SPANXN4: variants seen among roughly 807,000 people sequenced by gnomAD.
SPANXN4 encodes the protein SPANX family member N4, also known as sperm protein associated with the nucleus on the X chromosome N4.
Under a neutral mutation model 6.0 loss-of-function variants are expected in SPANXN4, and 5 were observed. That is an observed-to-expected ratio of 0.83 (90% CI 0.44 to 1.75). The LOEUF is 1.75. Among genes scored for constraint, SPANXN4 ranks in the 40% most tolerant of loss-of-function variants. The pLI is 0.02. For missense variants in SPANXN4, 157 were observed against 108.6 expected, an observed-to-expected ratio of 1.45 and a Z score of -1.98; for synonymous variants, 45 against 38.0, an observed-to-expected ratio of 1.19 and a Z score of -0.68.
chrX:143,026,592 G>A (rs1379971218), intron 1 of SPANXN4, among the ~76,000 whole-genome samples: 1 of 111,497 alleles, frequency 9.0e-6, no homozygotes, highest in East Asian at 2.8e-4. Context: ...GAGGGACGTG[G>A]TTGATTATCT....
chrX:143,038,118 G>C (rs1191431069), downstream of SPANXN4, among the ~76,000 whole-genome samples: 3 of 111,448 alleles, frequency 2.7e-5, no homozygotes, highest in Non-Finnish European at 5.7e-5. Context: ...TATAACTCAG[G>C]TCTTTACGTG....
chrX:143,037,306 C>T (rs1384290285), downstream of SPANXN4, among the ~76,000 whole-genome samples: 1 of 111,788 alleles, frequency 8.9e-6, no homozygotes, highest in Non-Finnish European at 1.9e-5. Flanking sequence ...CACAATACCT[C>T]ATATCATTTC....
At chrX:143,025,961 G>T in exon 1 of SPANXN4, 1 of 1,143,301 alleles carries the variant, frequency 8.7e-7, no homozygotes. Context: ...TACAGCTGTG[G>T]AAATCTGCAC....
chrX:143,026,536 G>A (rs1301643197), intron 1 of SPANXN4, among the ~76,000 whole-genome samples: 1 of 111,870 alleles, frequency 8.9e-6, no homozygotes, highest in Admixed American at 9.5e-5. Context: ...ACAAGAGAGT[G>A]CAGTTTAGAC....
intron 1 of SPANXN4, among the ~76,000 whole-genome samples, chrX:143,032,763 G>C: frequency 9.0e-6 from 1 of 111,649 alleles, no homozygotes; most frequent in Non-Finnish European, 1.9e-5. Context: ...AGAGGGTAGT[G>C]AATACCCCAG....
chrX:143,037,729 G>T (rs1349731552), downstream of SPANXN4, among the ~76,000 whole-genome samples: 9 of 111,287 alleles, frequency 8.1e-5, no homozygotes, highest in Admixed American at 8.6e-4. Flanking sequence ...TGGATCATGG[G>T]GGCAGTTTCC....
At chrX:143,033,912 A>T in intron 1 of SPANXN4, 113 bp from the exon 2 acceptor site, 2 of 692,508 alleles carry the variant, frequency 2.9e-6, no homozygotes, top group East Asian at 7.0e-5. Context: ...CTTCTCTGGC[A>T]CAAGCCCCTT....
intron 1 of SPANXN4, among the ~76,000 whole-genome samples, chrX:143,030,910 G>A (rs1932806289): frequency 9.0e-6 from 1 of 111,563 alleles, no homozygotes; most frequent in African/African-American, 3.3e-5. Context: ...GGGTTAAGGG[G>A]ATATTGAGAC....
intron 1 of SPANXN4, among the ~76,000 whole-genome samples, chrX:143,033,023 C>T (rs1323766988): frequency 2.7e-5 from 3 of 111,404 alleles, no homozygotes; most frequent in Non-Finnish European, 5.7e-5. Flanking sequence ...ACCAGGGAGA[C>T]CTCCAACTCA....
intron 1 of SPANXN4, among the ~76,000 whole-genome samples, chrX:143,029,239 G>A (rs778563957): frequency 8.9e-6 from 1 of 111,745 alleles, no homozygotes; most frequent in Non-Finnish European, 1.9e-5. Flanking sequence ...CCAGCAGCTT[G>A]TGTGCAAGTT....
chrX:143,036,792 A>G (rs903540897), downstream of SPANXN4, among the ~76,000 whole-genome samples: 8 of 111,651 alleles, frequency 7.2e-5, no homozygotes, highest in African/African-American at 2.0e-4. Context: ...GCTTGTCAAT[A>G]TCTGCAAAAA....
chrX:143,034,192 G>C (rs1173563702), exon 2 of SPANXN4: 1 of 1,180,137 alleles, frequency 8.5e-7, no homozygotes, highest in South Asian at 1.9e-5. Flanking sequence ...CAATCAAAGA[G>C]AAAGGAGACC....
Position 143,027,272 on chromosome X carries a change from G to A in SPANXN4, c.78+1180G>A, listed in dbSNP as rs1371523414. ...AAATGCTGGTGGGGGAGGAGTTGAA[G>A]GCTGTTTGGTTTTGGAGAGAGAGAG... On this transcript the variant is annotated intron_variant, in intron 1 of 2. Transcript: ENST00000370504. Among the ~76,000 whole-genome samples the A allele has an allele frequency of 4.5e-5, 5 of 112,044 alleles. No homozygotes were observed. The South Asian group carries it at 1.9e-3, about 42-fold the overall frequency.
At chrX:143,027,955 A>G (rs1932787678) in intron 1 of SPANXN4, among the ~76,000 whole-genome samples, 1 of 111,486 alleles carries the variant, frequency 9.0e-6, no homozygotes, top group Non-Finnish European at 1.9e-5. Context: ...GACATGGGGA[A>G]GGGACACCAG....
chrX:143,036,452 C>G (rs1194552758), downstream of SPANXN4, among the ~76,000 whole-genome samples: 1 of 111,358 alleles, frequency 9.0e-6, no homozygotes. Flanking sequence ...TCCATAATTC[C>G]CAAGTATACT....
At position 143,034,017 on chromosome X, in the gene SPANXN4, T is replaced by C. The variant is rs1415316338; in HGVS notation, c.79-11T>C. The C allele has an allele frequency of 1.7e-6, 2 of 1,163,666 alleles. No individual in the cohort carries two copies. Among genetic ancestry groups the C allele is most frequent in the Non-Finnish European group, 1.1e-6 (1 of 871,860 alleles). On this transcript the variant is annotated splice_polypyrimidine_tract_variant and intron_variant, in intron 1 of 2. Transcript: ENST00000370504. ...CACCATTCTGGCCTCTCCCTGTTTT[T>C]TTACCAGAAGAAGAAGAATCTGCAC... is the stretch of plus-strand genomic sequence containing the variant.
chrX:143,030,564 G>C (rs764572172), intron 1 of SPANXN4, among the ~76,000 whole-genome samples: 378 of 104,351 alleles, frequency 3.6e-3, no homozygotes, highest in African/African-American at 0.013. Context: ...TTGGGTGAAA[G>C]TGTGAGTATT....
intron 1 of SPANXN4, among the ~76,000 whole-genome samples, chrX:143,032,055 G>T (rs1054143770): frequency 2.7e-5 from 3 of 112,081 alleles, no homozygotes; most frequent in Non-Finnish European, 5.6e-5. Flanking sequence ...TGTTGGTGGA[G>T]GGTGTTTGCA....
intron 1 of SPANXN4, among the ~76,000 whole-genome samples, chrX:143,026,644 G>A (rs1316571583): frequency 3.6e-5 from 4 of 111,447 alleles, no homozygotes; most frequent in African/African-American, 1.3e-4. Flanking sequence ...TCAGGGTTTG[G>A]GTTTTGAAGC....
Sources: gnomAD v4.1 joint callset for allele counts (sites outside exome capture counted in the v4.1 genomes callset) on GRCh38, gnomAD v4.1.1 for gene constraint, MANE v1.5 for transcripts, NCBI Gene and HGNC (gene_info 2026-07-23, HGNC 2026-07-21) for gene names.